CHEK2: variants seen among roughly 807,000 people sequenced by gnomAD.
CHEK2 encodes serine/threonine-protein kinase Chk2.
Under a neutral mutation model 69.1 loss-of-function variants are expected in CHEK2, and 71 were observed. The observed-to-expected ratio is 1.03, with a 90% CI of 0.85 to 1.25. CHEK2 has a LOEUF of 1.25. Ranked by LOEUF, CHEK2 falls within the 50% of genes most tolerant of loss-of-function variation. The pLI, the probability that CHEK2 is intolerant of heterozygous loss-of-function variation, is 0.00. For synonymous variants in CHEK2, 189 were observed against 226.9 expected (o/e 0.83, Z 1.50); for missense variants, 664 against 649.6 (o/e 1.02, Z -0.24).
At chr22:28,718,590 C>T (rs2053661237) in intron 5 of CHEK2, among the ~76,000 whole-genome samples, 1 of 152,026 alleles carries the variant, frequency 6.6e-6, no homozygotes, top group Non-Finnish European at 1.5e-5. Context: ...CAATGAAATA[C>T]TATACACATG....
chr22:28,707,220 G>A (rs1403887640), intron 7 of CHEK2, among the ~76,000 whole-genome samples: 1 of 152,146 alleles, frequency 6.6e-6, no homozygotes, highest in Non-Finnish European at 1.5e-5. Context: ...CTTCCACTTA[G>A]GTCATACTGG....
At chr22:28,730,636 T>C (rs1410111026) in intron 2 of CHEK2, 3 of 537,174 alleles carry the variant, frequency 5.6e-6, no homozygotes, top group African/African-American at 3.8e-5. Context: ...GGCGGGTGGA[T>C]CACCCGAGGG....
chr22:28,709,435 C>G (rs966141095), intron 7 of CHEK2, among the ~76,000 whole-genome samples: 3 of 152,100 alleles, frequency 2.0e-5, no homozygotes, highest in Admixed American at 2.0e-4. Flanking sequence ...ATGTTTTGGT[C>G]AAGAACTAAC....
At chr22:28,734,796 G>T in intron 1 of CHEK2, 69 bp from the exon 2 acceptor site, 2 of 1,235,278 alleles carry the variant, frequency 1.6e-6, no homozygotes, top group Non-Finnish European at 2.3e-6. Flanking sequence ...AAAAGTAAAT[G>T]ATGGGCCTAT....
chr22:28,698,708 G>A (rs1441945741), intron 9 of CHEK2, among the ~76,000 whole-genome samples: 4 of 152,282 alleles, frequency 2.6e-5, no homozygotes, highest in South Asian at 4.1e-4. Context: ...CAAAGCAAGT[G>A]CCACCAGCTA....
At chr22:28,703,196 A>G (rs956784791) in intron 8 of CHEK2, among the ~76,000 whole-genome samples, 2 of 152,170 alleles carry the variant, frequency 1.3e-5, no homozygotes, top group African/African-American at 4.8e-5. Flanking sequence ...CCCATTTAAC[A>G]CTATGAAGAT....
intron 10 of CHEK2, among the ~76,000 whole-genome samples, chr22:28,696,641 G>A (rs2052595453): frequency 6.6e-6 from 1 of 151,996 alleles, no homozygotes; most frequent in Non-Finnish European, 1.5e-5. Flanking sequence ...TTACAGGTGT[G>A]AGCCACCATA....
At chr22:28,699,362 CTTTTTTTTTTTTT>C (rs67508991) in intron 9 of CHEK2, among the ~76,000 whole-genome samples, 1 of 78,042 alleles carries the variant, frequency 1.3e-5, no homozygotes, top group African/African-American at 4.6e-5. Context: ...AGAGCTTTTT[CTTTTTTTTTTTTT>C]TTTTTTTTTG....
chr22:28,714,760 T>C (rs1263594898), intron 5 of CHEK2, among the ~76,000 whole-genome samples: 1 of 152,216 alleles, frequency 6.6e-6, no homozygotes, highest in African/African-American at 2.4e-5. Context: ...CAGAGTTGTA[T>C]AGTTTTACCT....
chr22:28,709,960 T>G, intron 7 of CHEK2, 46 bp downstream of exon 7: 2 of 1,106,598 alleles, frequency 1.8e-6, no homozygotes, highest in Non-Finnish European at 2.7e-6. Context: ...TCTTCTCATA[T>G]TTTGAGATAG....
intron 4 of CHEK2, among the ~76,000 whole-genome samples, chr22:28,722,318 A>G (rs2053815061): frequency 6.6e-6 from 1 of 151,946 alleles, no homozygotes; most frequent in Non-Finnish European, 1.5e-5. Context: ...AGGCGGAAGG[A>G]TCACGAGGTC....
intron 10 of CHEK2, 25 bp from the exon 11 acceptor site, chr22:28,695,898 A>G (rs932569368): frequency 6.3e-7 from 1 of 1,583,816 alleles, no homozygotes; most frequent in African/African-American, 1.3e-5. Context: ...AAAAGGGAAT[A>G]ATGTTGAACT....
At chr22:28,688,279 G>A (rs1159691730) in intron 14 of CHEK2, among the ~76,000 whole-genome samples, 1 of 152,144 alleles carries the variant, frequency 6.6e-6, no homozygotes, top group Non-Finnish European at 1.5e-5. Context: ...TAAATATCAA[G>A]TTTAAAAGGA....
At chr22:28,735,034 A>C (rs995211925) in intron 1 of CHEK2, among the ~76,000 whole-genome samples, 15 of 152,304 alleles carry the variant, frequency 9.8e-5, no homozygotes, top group African/African-American at 3.6e-4. Flanking sequence ...GGCTCATAAA[A>C]GCTTACATTT....
At chr22:28,718,212 T>C (rs990739371) in intron 5 of CHEK2, among the ~76,000 whole-genome samples, 8 of 152,110 alleles carry the variant, frequency 5.3e-5, no homozygotes, top group African/African-American at 1.4e-4. Flanking sequence ...GAAATGCAAA[T>C]TAAAACCACA....
chr22:28,708,952 C>CAAAAAAA (rs374623367), intron 7 of CHEK2: 39 of 330,800 alleles, frequency 1.2e-4, no homozygotes, highest in Admixed American at 2.7e-4. Flanking sequence ...GCCTCCGTCT[C>CAAAAAAA]AAAAAAAAAA....
chr22:28,710,072 G>A lies in CHEK2; in HGVS notation c.793-13C>T, dbSNP rs1555920274. On this transcript the variant is annotated splice_polypyrimidine_tract_variant and intron_variant, in intron 6 of 14. Coordinates refer to ENST00000404276, the MANE Select transcript of CHEK2 (RefSeq NM_007194.4). The stretch of plus-strand genomic sequence containing the variant: ...TGAGAGCTGGGTCCTTTGATAAACA[G>A]AATAACAGAGTTTATTAGTAATAAT... The A allele has an allele frequency of 6.6e-7, 1 of 1,518,628 alleles. No individual in the cohort carries two copies. The highest frequency in any genetic ancestry group is 1.7e-5 in the Admixed American group (1 of 59,278). The allele number at this position is 1,518,628 out of a possible 1,614,324, so 94.1% of individuals were successfully genotyped here. A position where few individuals can be genotyped will look rare whatever the true frequency, so the allele number is the denominator to read the frequency against.
At chr22:28,719,344 AC>A in intron 5 of CHEK2, 50 bp downstream of exon 5, 1 of 983,010 alleles carries the variant, frequency 1.0e-6, no homozygotes, top group Admixed American at 2.4e-5. Context: ...ACCACCAATC[AC>A]AAATGTATAG....
At chr22:28,692,749 A>G (rs2052413916) in intron 13 of CHEK2, among the ~76,000 whole-genome samples, 1 of 152,180 alleles carries the variant, frequency 6.6e-6, no homozygotes, top group Non-Finnish European at 1.5e-5. Flanking sequence ...TTGTGTCCCT[A>G]CCCAAATCTC....
Sources: gnomAD v4.1 joint callset for allele counts (sites outside exome capture counted in the v4.1 genomes callset) on GRCh38, gnomAD v4.1.1 for gene constraint, MANE v1.5 for transcripts, NCBI Gene and HGNC (gene_info 2026-07-23, HGNC 2026-07-21) for gene names.